ACSL3: variants seen among roughly 807,000 people sequenced by gnomAD.
The protein encoded by ACSL3 is acyl-CoA synthetase long chain family member 3.
In ACSL3, 34 loss-of-function variants were observed where a neutral mutation model predicts 84.7. The observed-to-expected ratio is 0.40, with a 90% CI of 0.31 to 0.53. ACSL3 has a LOEUF of 0.53. ACSL3 is among the 20% of genes least tolerant of loss of function. The pLI is 0.48. For synonymous variants in ACSL3, 315 were observed against 299.4 expected (o/e 1.05, Z -0.54); for missense variants, 680 against 873.1 (o/e 0.78, Z 2.79).
chr2:222,917,257 T>A (rs576522506), intron 5 of ACSL3: 10 of 152,176 alleles, frequency 6.6e-5, no homozygotes, highest in Non-Finnish European at 1.5e-4. Flanking sequence ...GCCCGGCTAA[T>A]TTTTTGTATT....
chr2:222,943,120 A>C lies in ACSL3; in HGVS notation c.*1466A>C. On this transcript the variant is annotated 3_prime_UTR_variant, in exon 17 of 17. Transcript: ENST00000357430. ...AAAAACAAAAACAAAAAAAAAGATG[A>C]ACCTAGGTCTGTGTAAAGTAAGGGG... 1 of 221,266 alleles carries C rather than the reference A, an allele frequency of 4.5e-6. No homozygotes were observed. Among genetic ancestry groups the C allele is most frequent in the Non-Finnish European group, 9.0e-6 (1 of 111,460 alleles). 13.7% of individuals were successfully genotyped at this position (221,266 alleles called of 1,614,324 possible). A position where few individuals can be genotyped will look rare whatever the true frequency, so the allele number is the denominator to read the frequency against.
chr2:222,879,433 C>T (rs1042169094), intron 1 of ACSL3, among the ~76,000 whole-genome samples: 7 of 152,196 alleles, frequency 4.6e-5, no homozygotes, highest in African/African-American at 1.7e-4. Flanking sequence ...TGTGTTCCAG[C>T]GATCTCAGGC....
At chr2:222,921,100 A>G (rs903905411) in intron 7 of ACSL3, 180 bp from the exon 8 acceptor site, 25 of 724,970 alleles carry the variant, frequency 3.4e-5, no homozygotes, top group Non-Finnish European at 4.5e-5. Flanking sequence ...AATAGAATAT[A>G]TCTCCCATAC....
chr2:222,872,856 A>T (rs1695340392), intron 1 of ACSL3, among the ~76,000 whole-genome samples: 1 of 151,870 alleles, frequency 6.6e-6, no homozygotes, highest in Non-Finnish European at 1.5e-5. Context: ...GTGGGGTGGG[A>T]TGGTGACTTG....
chr2:222,869,879 C>G (rs1022912191), intron 1 of ACSL3, among the ~76,000 whole-genome samples: 1 of 152,098 alleles, frequency 6.6e-6, no homozygotes, highest in Non-Finnish European at 1.5e-5. Flanking sequence ...TAAGACCTAG[C>G]GTAACCTCTT....
At chr2:222,929,509 C>CAGTG (rs1248311639) in intron 13 of ACSL3, among the ~76,000 whole-genome samples, 2 of 152,136 alleles carry the variant, frequency 1.3e-5, no homozygotes, top group African/African-American at 4.8e-5. Context: ...TGGCCGGGCG[C>CAGTG]AGTGGCTCAC....
At chr2:222,915,564 A>G (rs1399929757) in intron 4 of ACSL3, among the ~76,000 whole-genome samples, 2 of 150,712 alleles carry the variant, frequency 1.3e-5, no homozygotes, top group African/African-American at 4.8e-5. Context: ...GGTTTTGTCT[A>G]AGTTGAGGAA....
chr2:222,921,184 T>G, intron 7 of ACSL3, 96 bp from the exon 8 acceptor site: 1 of 1,353,692 alleles, frequency 7.4e-7, no homozygotes, highest in Admixed American at 1.9e-5. Flanking sequence ...TTAACTCAAT[T>G]TGATTGAGTT....
At chr2:222,873,962 T>C (rs577061890) in intron 1 of ACSL3, among the ~76,000 whole-genome samples, 1 of 152,348 alleles carries the variant, frequency 6.6e-6, no homozygotes, top group Non-Finnish European at 1.5e-5. Context: ...TGTACTTATA[T>C]ATCTGTGCCC....
intron 7 of ACSL3, chr2:222,920,887 T>G: frequency 4.5e-6 from 2 of 442,378 alleles, no homozygotes; most frequent in South Asian, 3.4e-5. Context: ...GGTCTTTGCA[T>G]TTGCTTATTT....
chr2:222,885,750 C>CTT (rs147931516), intron 1 of ACSL3, among the ~76,000 whole-genome samples: 3 of 148,900 alleles, frequency 2.0e-5, no homozygotes, highest in Non-Finnish European at 3.0e-5. Context: ...AAGGTCTGTC[C>CTT]TTTTTTTTTT....
Position 222,934,675 on chromosome 2 carries a change from G to C in ACSL3, c.1993G>C (p.Ala665Pro). Residue 665 changes from alanine to proline, a missense_variant, in exon 16 of 17, where the codon GCT becomes CCT. Physicochemically the swap from Ala to Pro is conservative, Grantham distance 27. Coordinates refer to ENST00000357430, the MANE Select transcript of ACSL3 (RefSeq NM_004457.5). ...ENEVLKVLSE[A>P]AISASLEKFE... is the part of the protein sequence containing the mutation. ...TGAGGTACTTAAAGTGCTTTCCGAA[G>C]CTGCTATTTCAGGTGAGTATTCGGT... The C allele has an allele frequency of 1.2e-6, 2 of 1,608,178 alleles. No homozygotes were observed. The highest frequency in any genetic ancestry group is 2.3e-5 in the South Asian group (2 of 88,432).
chr2:222,897,006 A>G (rs1204848789), intron 2 of ACSL3, among the ~76,000 whole-genome samples: 1 of 12,614 alleles, frequency 7.9e-5, no homozygotes, highest in African/African-American at 7.2e-4. Context: ...GGACGGGGCG[A>G]CCGGCCGGGC....
intron 13 of ACSL3, among the ~76,000 whole-genome samples, chr2:222,929,896 GAATA>G (rs1382374744): frequency 6.8e-6 from 1 of 148,132 alleles, no homozygotes; most frequent in Non-Finnish European, 1.5e-5. Flanking sequence ...TTATCTATAA[GAATA>G]AATCTTAATA....
rs188128405 is a variant in ACSL3, at chr2:222,878,072, G to T, written c.-206-9758G>T. On this transcript the variant is annotated intron_variant, in intron 1 of 16. Coordinates refer to ENST00000357430, the MANE Select transcript of ACSL3 (RefSeq NM_004457.5). ...TTCACTGCTGCACACCCAGTGCCCA[G>T]CGTATAGGAGACACTCACATTTGTT... Among the ~76,000 whole-genome samples, 6 of 152,292 alleles carry T rather than the reference G, an allele frequency of 3.9e-5. No individual in the cohort carries two copies. In the East Asian group the frequency reaches 5.8e-4, roughly 15 times the overall value.
At chr2:222,867,864 A>C (rs1487411323) in intron 1 of ACSL3, among the ~76,000 whole-genome samples, 4 of 151,732 alleles carry the variant, frequency 2.6e-5, no homozygotes, top group Non-Finnish European at 5.9e-5. Context: ...TAATCGTTTC[A>C]TTATTTGAGC....
chr2:222,916,351 T>C lies in ACSL3; in HGVS notation c.411T>C (p.Tyr137=), dbSNP rs1696583617. The change falls in exon 5 of 17, where the codon TAT becomes TAC. Residue 137 remains tyrosine, a synonymous_variant. Transcript: ENST00000357430. ...TTGGACAGTATAATTGGCTTTCCTA[T>C]GAAGATGTCTTTGTTCGAGCCTTTA... is the stretch of plus-strand genomic sequence containing the variant. ...VILGQYNWLS[Y]EDVFVRAFNF... 2 of 1,613,736 alleles carry C rather than the reference T, an allele frequency of 1.2e-6. No homozygotes were observed. The highest frequency in any genetic ancestry group is 2.2e-5 in the South Asian group (2 of 91,000).
At chr2:222,902,386 C>G (rs1242389687) in intron 3 of ACSL3, among the ~76,000 whole-genome samples, 1 of 152,068 alleles carries the variant, frequency 6.6e-6, no homozygotes, top group Non-Finnish European at 1.5e-5. Context: ...ATGGCAGATC[C>G]CTGTAGCCAT....
intron 3 of ACSL3, among the ~76,000 whole-genome samples, chr2:222,902,715 A>G (rs1221894370): frequency 2.0e-5 from 3 of 152,252 alleles, no homozygotes; most frequent in Non-Finnish European, 4.4e-5. Flanking sequence ...TCCTGCAGGC[A>G]GGTTTCTACC....
Sources: allele counts gnomAD v4.1 joint callset (sites outside exome capture counted in the v4.1 genomes callset), GRCh38; gene constraint gnomAD v4.1.1; transcripts MANE v1.5; gene names NCBI Gene and HGNC (gene_info 2026-07-23, HGNC 2026-07-21).